Variants in PRAMEF20 observed in about 807,000 individuals in gnomAD.
PRAMEF20 encodes PRAME family member 20.
PRAMEF20 carries 27 observed loss-of-function variants against 32.4 expected under a neutral mutation model. The ratio of observed to expected loss-of-function variants is 0.83; its 90% CI spans 0.61 to 1.15. The LOEUF (loss-of-function observed/expected upper bound fraction) is 1.15. Ranked by LOEUF, PRAMEF20 falls within the 50% of genes most tolerant of loss-of-function variation. The pLI, the probability that PRAMEF20 is intolerant of heterozygous loss-of-function variation, is 0.00. For synonymous variants in PRAMEF20, 256 were observed against 235.4 expected, an observed-to-expected ratio of 1.09 and a Z score of -0.80; for missense variants, 604 against 584.5, an observed-to-expected ratio of 1.03 and a Z score of -0.34.
exon 2 of PRAMEF20, chr1:13,418,317 T>A: frequency 6.2e-7 from 1 of 1,613,866 alleles, no homozygotes; most frequent in Non-Finnish European, 8.5e-7. Context: ...GGACTCTGGA[T>A]GAATACTTCA....
At chr1:13,411,339 C>T in the PRAMEF20 span, among the ~76,000 whole-genome samples, 25 of 151,934 alleles carry the variant, frequency 1.6e-4, no homozygotes, top group East Asian at 1.4e-3. Flanking sequence ...CCCCCTCCCC[C>T]CCACCGCCAA....
chr1:13,413,616 C>CA (rs1641134446), upstream of PRAMEF20, among the ~76,000 whole-genome samples: 1 of 152,142 alleles, frequency 6.6e-6, no homozygotes, highest in Non-Finnish European at 1.5e-5. Flanking sequence ...CCACCCTTCT[C>CA]AGCCCCCCAA....
upstream of PRAMEF20, among the ~76,000 whole-genome samples, chr1:13,413,572 C>T (rs1384702157): frequency 3.3e-5 from 5 of 152,018 alleles, no homozygotes; most frequent in Non-Finnish European, 7.4e-5. Context: ...ACCATGTTGG[C>T]CAAGCTGGTC....
At chr1:13,415,763 C>A (rs1641161551), upstream of PRAMEF20, among the ~76,000 whole-genome samples, 1 of 117,270 alleles carries the variant, frequency 8.5e-6, no homozygotes, top group African/African-American at 3.2e-5. Flanking sequence ...GCACTCCAGC[C>A]TGGGTGACAG....
At chr1:13,410,529 T>C in the PRAMEF20 span, 1 of 151,782 alleles carries the variant, frequency 6.6e-6, no homozygotes, top group Non-Finnish European at 1.5e-5. Flanking sequence ...CCAGATCTGG[T>C]AAGTCCCTAA....
At chr1:13,416,988 A>G (rs933860552) in intron 1 of PRAMEF20, among the ~76,000 whole-genome samples, 2 of 152,152 alleles carry the variant, frequency 1.3e-5, no homozygotes, top group Non-Finnish European at 2.9e-5. Flanking sequence ...CCTGGCCAAC[A>G]TTGTGTCCAG....
At chr1:13,410,607 A>T in the PRAMEF20 span, 3 of 146,474 alleles carry the variant, frequency 2.0e-5, no homozygotes, top group African/African-American at 7.7e-5. Flanking sequence ...GCAGGCACAG[A>T]GTTATATCCT....
chr1:13,418,220 T>C, exon 2 of PRAMEF20: 2 of 1,613,828 alleles, frequency 1.2e-6, no homozygotes, highest in East Asian at 2.2e-5. Context: ...CCAAATGCCA[T>C]GATGAACAGA....
upstream of PRAMEF20, among the ~76,000 whole-genome samples, chr1:13,413,623 C>A (rs894216292): frequency 1.3e-5 from 2 of 152,096 alleles, no homozygotes; most frequent in Non-Finnish European, 2.9e-5. Context: ...TCTCAGCCCC[C>A]CAAAGTGCTG....
At chr1:13,418,167 C>T (rs1472770637) in exon 2 of PRAMEF20, 1 of 1,613,432 alleles carries the variant, frequency 6.2e-7, no homozygotes, top group Non-Finnish European at 8.5e-7. Flanking sequence ...TCAGTGAGAA[C>T]TTCTGGATGG....
In PRAMEF20 at chr1:13,418,318, G is replaced by T. The variant is rs1641205105; in HGVS notation, c.484G>T (p.Glu162Ter). The T allele has an allele frequency of 6.2e-7, 1 of 1,613,758 alleles. No individual in the cohort carries two copies. Residue 162 changes from glutamate to a stop codon, truncating the protein, a stop_gained, in exon 2 of 3, where the codon GAA becomes TAA. Coordinates refer to ENST00000602960, the Ensembl canonical transcript of PRAMEF20. LOFTEE classifies it high-confidence loss of function. ...TTGCCTCAAGAACAGGACTCTGGAT[G>T]AATACTTCACCTGCCTCTTTCTATG...
At chr1:13,416,544 C>T in exon 1 of PRAMEF20, 4 of 1,614,196 alleles carry the variant, frequency 2.5e-6, no homozygotes, top group Non-Finnish European at 3.4e-6. Flanking sequence ...TTTCCTCCGC[C>T]TTCCTCTGGG....
chr1:13,416,461 T>C lies in PRAMEF20; in HGVS notation c.107T>C (p.Phe36Ser), dbSNP rs762693738. 2.3e-5 allele frequency: 37 copies of C among 1,613,834 alleles called. No individual in the cohort carries two copies. In the Middle Eastern group the frequency reaches 5.0e-4, roughly 22 times the overall value. Residue 36 changes from phenylalanine to serine, a missense_variant, in exon 1 of 3, where the codon TTT becomes TCT. Physicochemically the swap from Phe to Ser is radical, Grantham distance 155 (BLOSUM62 -2). Coordinates refer to ENST00000602960, the Ensembl canonical transcript of PRAMEF20. ...CTGGAGGAGCTGCCCACGGAACTTTTTCCCCCATTGTTCATGGAGGCCTTC... is the reference window on the plus strand; with the variant it reads ...CTGGAGGAGCTGCCCACGGAACTTTCTCCCCCATTGTTCATGGAGGCCTTC...
At chr1:13,420,039 T>A (rs1641226206) in intron 2 of PRAMEF20, among the ~76,000 whole-genome samples, 2 of 152,262 alleles carry the variant, frequency 1.3e-5, no homozygotes, top group South Asian at 4.1e-4. Context: ...CCCCAGCTGA[T>A]GTTGCAGGAT....
At chr1:13,417,923 T>TGTGTGTGA (rs1229686562) in intron 1 of PRAMEF20, among the ~76,000 whole-genome samples, 199 bp from the exon 3 acceptor site, 1 of 143,766 alleles carries the variant, frequency 7.0e-6, no homozygotes, top group Non-Finnish European at 1.5e-5. Context: ...TGTGTGTGTG[T>TGTGTGTGA]GTGTGTGTGT....
intron 1 of PRAMEF20, among the ~76,000 whole-genome samples, chr1:13,417,093 G>C (rs960189915): frequency 2.6e-5 from 4 of 152,110 alleles, no homozygotes; most frequent in Non-Finnish European, 5.9e-5. Context: ...AAGATGGCAC[G>C]GACCCAAAGA....
intron 2 of PRAMEF20, 142 bp downstream of exon 3, chr1:13,418,842 G>A (rs1641212634): frequency 1.0e-5 from 15 of 1,467,342 alleles, no homozygotes; most frequent in African/African-American, 9.7e-5. Flanking sequence ...TTGGAAGTGG[G>A]TATCACACAT....
Position 13,421,296 on chromosome 1 carries a change from T to C in PRAMEF20, c.*38T>C, listed in dbSNP as rs1641242524. 6.2e-6 allele frequency: 10 copies of C among 1,613,638 alleles called. No individual in the cohort carries two copies. In the South Asian group the frequency reaches 8.8e-5, roughly 14 times the overall value. ...TTGGGTGGATATATCAAACTCTTTT[T>C]TCTGAACACTTGAAAACTAAAACCT... On this transcript the variant is annotated 3_prime_UTR_variant, in exon 3 of 3. Coordinates refer to ENST00000602960, the Ensembl canonical transcript of PRAMEF20.
At chr1:13,416,079 T>C (rs3125061), upstream of PRAMEF20, among the ~76,000 whole-genome samples, 107,209 of 152,042 alleles carry the variant, frequency 0.71, 38,727 homozygotes, top group African/African-American at 0.87. Context: ...CCTCCATATT[T>C]ACTACTCACT....
Sources: gnomAD v4.1 joint callset for allele counts (sites outside exome capture counted in the v4.1 genomes callset) on GRCh38, gnomAD v4.1.1 for gene constraint, MANE v1.5 for transcripts, NCBI Gene and HGNC (gene_info 2026-07-23, HGNC 2026-07-21) for gene names.